Variants in SNX29 observed in about 807,000 individuals in gnomAD.
SNX29 encodes sorting nexin 29.
In SNX29, 78 loss-of-function variants were observed where a neutral mutation model predicts 102.1. The observed-to-expected ratio is 0.76, with a 90% CI of 0.64 to 0.92. The LOEUF (loss-of-function observed/expected upper bound fraction) is 0.92, where lower values mean the gene tolerates loss of function less well. Ranked by LOEUF, SNX29 falls within the 40% of genes least tolerant of loss-of-function variation. The pLI is 0.00. For synonymous variants in SNX29, 580 were observed against 414.5 expected (o/e 1.40, Z -4.85); for missense variants, 1,280 against 1,061.7 (o/e 1.21, Z -2.86).
chr16:12,557,390 A>T (rs1279248831), intron 20 of SNX29: 2 of 152,114 alleles, frequency 1.3e-5, no homozygotes, highest in African/African-American at 4.8e-5. Context: ...GAATAGAAAC[A>T]AGCCACCTTT....
In SNX29 at chr16:12,447,165, CAAAAAAAAAAAAAAAA is replaced by C. The variant is rs59942122; in HGVS notation, c.2038-30537_2038-30522del. On this transcript the variant is annotated intron_variant, in intron 18 of 20. Transcript: ENST00000566228. ...CTGGCGACAGAGGGAGACTCTGTCT[CAAAAAAAAAAAAAAAA>C]AAAAAAAAAAAAAAAAGTAAAATAA... Among the ~76,000 whole-genome samples the C allele has an allele frequency of 1.1e-4, 5 of 43,910 alleles. No individual in the cohort carries two copies. The South Asian group carries it at 4.3e-3, about 38-fold the overall frequency. 28.8% of individuals were successfully genotyped at this position (43,910 alleles called of 152,430 possible).
intron 15 of SNX29, among the ~76,000 whole-genome samples, chr16:12,351,248 C>G (rs73508036): frequency 2.6e-5 from 4 of 152,124 alleles, no homozygotes; most frequent in African/African-American, 7.2e-5. Flanking sequence ...TGGGGACTGT[C>G]TAGGTTCACT....
chr16:12,398,786 A>G (rs1033610143), intron 17 of SNX29, among the ~76,000 whole-genome samples: 3 of 152,048 alleles, frequency 2.0e-5, no homozygotes, highest in Non-Finnish European at 4.4e-5. Context: ...ATTTTCTTTA[A>G]AAATGAGACG....
intron 18 of SNX29, among the ~76,000 whole-genome samples, chr16:12,412,308 C>T (rs944769624): frequency 5.3e-5 from 8 of 152,218 alleles, no homozygotes; most frequent in Non-Finnish European, 1.5e-5. Context: ...ACAAGATCTG[C>T]CTCATGCCTC....
At chr16:12,426,489 T>C (rs1023605211) in intron 18 of SNX29, among the ~76,000 whole-genome samples, 1 of 152,134 alleles carries the variant, frequency 6.6e-6, no homozygotes, top group African/African-American at 2.4e-5. Flanking sequence ...AGGAGGGTAA[T>C]GGGAACATCT....
At chr16:12,140,207 TC>T (rs2054821701) in intron 13 of SNX29, among the ~76,000 whole-genome samples, 1 of 152,152 alleles carries the variant, frequency 6.6e-6, no homozygotes, top group Admixed American at 6.5e-5. Flanking sequence ...CCTCTCTCTT[TC>T]CCTCGGTCTT....
intron 13 of SNX29, among the ~76,000 whole-genome samples, chr16:12,195,445 T>A (rs762117818): frequency 3.9e-5 from 6 of 152,222 alleles, no homozygotes; most frequent in Non-Finnish European, 7.3e-5. Flanking sequence ...TGATTCATAT[T>A]TCCTAAAGCT....
intron 11 of SNX29, among the ~76,000 whole-genome samples, chr16:12,101,350 G>A (rs1567207034): frequency 9.4e-6 from 1 of 105,822 alleles, no homozygotes; most frequent in Admixed American, 1.2e-4. Flanking sequence ...CTCTCATTCT[G>A]TTCTTCCTCC....
intron 3 of SNX29, among the ~76,000 whole-genome samples, chr16:12,024,574 C>T (rs1458899904): frequency 1.3e-5 from 2 of 152,180 alleles, no homozygotes; most frequent in African/African-American, 4.8e-5. Flanking sequence ...AATTAAAAGA[C>T]TAGCATCCAC....
At chr16:12,547,928 C>G (rs922729525) in intron 20 of SNX29, among the ~76,000 whole-genome samples, 3 of 152,108 alleles carry the variant, frequency 2.0e-5, no homozygotes, top group Admixed American at 6.6e-5. Context: ...TCAGGGATAC[C>G]TCAATTCCCA....
At chr16:12,398,391 A>C in intron 16 of SNX29, 55 bp from the exon 17 acceptor site, 2 of 1,583,476 alleles carry the variant, frequency 1.3e-6, no homozygotes, top group Admixed American at 3.3e-5. Context: ...GATTATGCAA[A>C]CCATGGTAAC....
intron 6 of SNX29, among the ~76,000 whole-genome samples, chr16:12,047,612 A>C (rs1025916485): frequency 1.3e-5 from 2 of 149,654 alleles, no homozygotes; most frequent in African/African-American, 4.9e-5. Flanking sequence ...AGATAAGGTG[A>C]CTGGAGTACA....
At chr16:12,429,102 C>T (rs8060466) in intron 18 of SNX29, among the ~76,000 whole-genome samples, 2,524 of 152,206 alleles carry the variant, frequency 0.017, 80 homozygotes, top group African/African-American at 0.058. Context: ...CACACAGATA[C>T]GATTGCGATT....
intron 20 of SNX29, among the ~76,000 whole-genome samples, chr16:12,553,907 G>A (rs147161606): frequency 1.3e-5 from 2 of 151,716 alleles, no homozygotes; most frequent in African/African-American, 2.4e-5. Flanking sequence ...GCAGTGGCAT[G>A]ATCTCCGCCT....
intron 20 of SNX29, among the ~76,000 whole-genome samples, chr16:12,536,840 G>C (rs576186170): frequency 6.6e-6 from 1 of 152,232 alleles, no homozygotes; most frequent in East Asian, 1.9e-4. Flanking sequence ...GCCAGGCATG[G>C]TGGTGCACAC....
chr16:12,493,417 A>G (rs1468648206), intron 19 of SNX29, among the ~76,000 whole-genome samples: 1 of 151,226 alleles, frequency 6.6e-6, no homozygotes, highest in African/African-American at 2.5e-5. Context: ...GTTGCTTATC[A>G]GCTTAAGGAG....
At chr16:12,115,936 TCGTCCCA>T (rs2053681261) in intron 11 of SNX29, among the ~76,000 whole-genome samples, 1 of 152,334 alleles carries the variant, frequency 6.6e-6, no homozygotes, top group Admixed American at 6.5e-5. Flanking sequence ...CTTTCCACCC[TCGTCCCA>T]CTCTCCCTAA....
intron 16 of SNX29, among the ~76,000 whole-genome samples, chr16:12,366,382 G>A (rs570214910): frequency 6.6e-6 from 1 of 152,182 alleles, no homozygotes; most frequent in Non-Finnish European, 1.5e-5. Context: ...ATTTTCCGAC[G>A]AGTGCATCTG....
chr16:12,353,973 A>T (rs1168980940), intron 15 of SNX29, among the ~76,000 whole-genome samples: 1 of 152,208 alleles, frequency 6.6e-6, no homozygotes, highest in Non-Finnish European at 1.5e-5. Flanking sequence ...AGAAGGTCAG[A>T]TGAGAACCCA....
Sources: allele counts gnomAD v4.1 joint callset (sites outside exome capture counted in the v4.1 genomes callset), GRCh38; gene constraint gnomAD v4.1.1; transcripts MANE v1.5; gene names NCBI Gene and HGNC (gene_info 2026-07-23, HGNC 2026-07-21).